Variants in SUGCT observed in about 807,000 individuals in gnomAD.
SUGCT encodes succinyl-CoA:glutarate-CoA transferase, also known as succinyl-CoA:glutarate CoA-transferase.
Under a neutral mutation model 55.0 loss-of-function variants are expected in SUGCT, and 41 were observed. That is an observed-to-expected ratio of 0.74 (90% CI 0.58 to 0.97). SUGCT has a LOEUF of 0.97. Among genes scored for constraint, SUGCT ranks in the 50% least tolerant of loss-of-function variants. The pLI is 0.00. For synonymous variants in SUGCT, 187 were observed against 200.4 expected (o/e 0.93, Z 0.56); for missense variants, 568 against 547.8 (o/e 1.04, Z -0.37).
chr7:40,469,372 T>C (rs1790288224), intron 11 of SUGCT, among the ~76,000 whole-genome samples: 2 of 152,244 alleles, frequency 1.3e-5, no homozygotes, highest in Non-Finnish European at 2.9e-5. Flanking sequence ...CACATTTGTT[T>C]TCTTATGCAT....
intron 12 of SUGCT, among the ~76,000 whole-genome samples, chr7:40,633,863 A>G (rs1799905089): frequency 6.6e-6 from 1 of 152,212 alleles, no homozygotes; most frequent in Admixed American, 6.5e-5. Flanking sequence ...TGCATTACCT[A>G]TAATACTTGC....
Position 40,272,141 on chromosome 7 carries a change from CAT to C in SUGCT, c.577-2320_577-2319del, listed in dbSNP as rs58480323. Among the ~76,000 whole-genome samples, 372 of 46,626 alleles carry C rather than the reference CAT, an allele frequency of 8.0e-3. 3 individuals are homozygous for C. Among genetic ancestry groups the C allele is most frequent in the Non-Finnish European group, 0.013 (282 of 21,594 alleles). 30.6% of individuals were successfully genotyped at this position (46,626 alleles called of 152,430 possible). A position where few individuals can be genotyped will look rare whatever the true frequency, so the allele number is the denominator to read the frequency against. The stretch of plus-strand genomic sequence containing the variant: ...TGTTTCAAAAACAACTGCAATGTGA[CAT>C]ATATATATATATATATATATATATA... On this transcript the variant is annotated intron_variant, in intron 7 of 13. Transcript: ENST00000335693.
chr7:40,436,908 A>AT (rs907493144), intron 9 of SUGCT, among the ~76,000 whole-genome samples: 18 of 151,888 alleles, frequency 1.2e-4, no homozygotes, highest in African/African-American at 4.3e-4. Flanking sequence ...CTTGTCTAGA[A>AT]TTTTTTTTGC....
downstream of SUGCT, among the ~76,000 whole-genome samples, chr7:40,864,805 G>T (rs1239037228): frequency 1.3e-5 from 2 of 152,084 alleles, no homozygotes; most frequent in Non-Finnish European, 2.9e-5. Context: ...CAGGCAGAAT[G>T]AACCCAGCCT....
At position 40,611,255 on chromosome 7, in the gene SUGCT, C is replaced by T. The variant is rs79019065; in HGVS notation, c.1089+114869C>T. Among the ~76,000 whole-genome samples, 35 of 152,258 alleles carry T rather than the reference C, an allele frequency of 2.3e-4. No individual in the cohort carries two copies. In the East Asian group the frequency reaches 5.2e-3, roughly 23 times the overall value. On this transcript the variant is annotated intron_variant, in intron 12 of 13. Coordinates refer to ENST00000335693, the MANE Select transcript of SUGCT (RefSeq NM_001193313.2). ...GGCTATGAATCTGTAAACAGTCAGT[C>T]GTTCCCTGTGTAAAGTAAAATGAAT...
intron 6 of SUGCT, among the ~76,000 whole-genome samples, chr7:40,195,379 C>T (rs1006209174): frequency 2.6e-5 from 4 of 151,746 alleles, no homozygotes; most frequent in African/African-American, 7.3e-5. Flanking sequence ...CGCGCCACCA[C>T]GCCCAGCTAA....
chr7:40,724,350 G>A lies in SUGCT; in HGVS notation c.1090-25084G>A, dbSNP rs554866262. Reference sequence around the variant, plus strand: ...GGAGGCCAAGGCGGGCAGATGACAAGGTCAGGAGATTGAGACCATCCTGGC... The same window carrying A: ...GGAGGCCAAGGCGGGCAGATGACAAAGTCAGGAGATTGAGACCATCCTGGC... On this transcript the variant is annotated intron_variant, in intron 12 of 13. Transcript: ENST00000335693. 7.2e-5 allele frequency among the ~76,000 whole-genome samples: 11 copies of A among 152,316 alleles called. 1 individual carries two copies. The South Asian group carries it at 2.3e-3, about 32-fold the overall frequency.
rs531047228 is a variant in SUGCT at position 40,495,862 on chromosome 7, A to G, written c.987-422A>G. On this transcript the variant is annotated intron_variant, in intron 11 of 13. Transcript: ENST00000335693. Reference sequence around the variant, plus strand: ...TGTGTACTTTTCCCAAAGCTTTCTTAAAACAGCTATATTAGTATTTTTTTT... The same window carrying G: ...TGTGTACTTTTCCCAAAGCTTTCTTGAAACAGCTATATTAGTATTTTTTTT... 3.3e-5 allele frequency among the ~76,000 whole-genome samples: 5 copies of G among 152,318 alleles called. No individual in the cohort carries two copies. In the South Asian group the frequency reaches 1.0e-3, roughly 32 times the overall value.
intron 12 of SUGCT, among the ~76,000 whole-genome samples, chr7:40,535,669 T>C (rs1794323989): frequency 6.6e-6 from 1 of 152,188 alleles, no homozygotes; most frequent in Non-Finnish European, 1.5e-5. Flanking sequence ...TACTATGGAA[T>C]ACTATGCAGC....
Position 40,660,131 on chromosome 7 carries a change from A to G in SUGCT, c.1090-89303A>G, listed in dbSNP as rs919592084. Reference sequence around the variant, plus strand: ...ATAGGTTTCTCACGTAAAGTTTTCTAACTGGGAGGATTGCTCTATATAGTC... The same window carrying G: ...ATAGGTTTCTCACGTAAAGTTTTCTGACTGGGAGGATTGCTCTATATAGTC... On this transcript the variant is annotated intron_variant, in intron 12 of 13. Coordinates refer to ENST00000335693, the MANE Select transcript of SUGCT (RefSeq NM_001193313.2). Among the ~76,000 whole-genome samples, 3 of 152,222 alleles carry G rather than the reference A, an allele frequency of 2.0e-5. No individual in the cohort carries two copies. The South Asian group carries it at 6.2e-4, about 32-fold the overall frequency.
intron 13 of SUGCT, among the ~76,000 whole-genome samples, chr7:40,849,586 T>C (rs912086510): frequency 6.6e-6 from 1 of 152,136 alleles, no homozygotes; most frequent in Non-Finnish European, 1.5e-5. Flanking sequence ...ATTAAGTTGG[T>C]TTGGTTTATA....
intron 9 of SUGCT, among the ~76,000 whole-genome samples, chr7:40,422,326 G>C (rs1188683652): frequency 1.3e-5 from 2 of 151,926 alleles, no homozygotes; most frequent in Non-Finnish European, 2.9e-5. Flanking sequence ...TGGTATTGGG[G>C]CAATCACTGC....
At chr7:40,383,242 G>A (rs1784958756) in intron 9 of SUGCT, among the ~76,000 whole-genome samples, 1 of 152,162 alleles carries the variant, frequency 6.6e-6, no homozygotes. Flanking sequence ...CTACATCTAT[G>A]TATTAGTAAT....
At chr7:40,739,430 T>C (rs1787348150) in intron 12 of SUGCT, among the ~76,000 whole-genome samples, 1 of 152,252 alleles carries the variant, frequency 6.6e-6, no homozygotes. Flanking sequence ...CAATAGTTTG[T>C]TCCTTTTCAT....
chr7:40,587,736 A>G lies in SUGCT; in HGVS notation c.1089+91350A>G, dbSNP rs574732021. Among the ~76,000 whole-genome samples, 435 of 152,286 alleles carry G rather than the reference A, an allele frequency of 2.9e-3. 4 individuals are homozygous for G. The highest frequency in any genetic ancestry group is 9.8e-3 in the African/African-American group (409 of 41,572). On this transcript the variant is annotated intron_variant, in intron 12 of 13. Coordinates refer to ENST00000335693, the MANE Select transcript of SUGCT (RefSeq NM_001193313.2). ...AAAATAGCTACCATATGAAATCATC[A>G]ATCCTTTTAAAGCTTGCTTTAAAAT...
At chr7:40,381,054 C>T (rs1263371306) in intron 9 of SUGCT, among the ~76,000 whole-genome samples, 1 of 152,082 alleles carries the variant, frequency 6.6e-6, no homozygotes, top group Non-Finnish European at 1.5e-5. Context: ...TTTTTAATAT[C>T]TATTCTCAGT....
Position 40,319,936 on chromosome 7 carries a change from G to GC in SUGCT, c.816+3082dup, listed in dbSNP as rs771991521. ...CTGCTGGGCTCAAGTGTTCCTAGTA[G>GC]CTGGGATACCGAGTAGCGGAGACTA... On this transcript the variant is annotated intron_variant, in intron 9 of 13. Transcript: ENST00000335693. 1.9e-3 allele frequency among the ~76,000 whole-genome samples: 283 copies of GC among 151,406 alleles called. 1 individual carries two copies. Among genetic ancestry groups the GC allele is most frequent in the Middle Eastern group, 6.9e-3 (2 of 290 alleles).
chr7:40,503,109 TG>T (rs1456752210), intron 12 of SUGCT, among the ~76,000 whole-genome samples: 2 of 152,094 alleles, frequency 1.3e-5, no homozygotes, highest in Non-Finnish European at 2.9e-5. Context: ...CTTTCAGGCT[TG>T]GTTTTTTTGA....
intron 13 of SUGCT, among the ~76,000 whole-genome samples, chr7:40,814,808 A>T (rs1791590150): frequency 6.6e-6 from 1 of 152,024 alleles, no homozygotes; most frequent in African/African-American, 2.4e-5. Context: ...TCATCTGGAG[A>T]TGCTAGCACT....
Sources: allele counts gnomAD v4.1 joint callset (sites outside exome capture counted in the v4.1 genomes callset), GRCh38; gene constraint gnomAD v4.1.1; transcripts MANE v1.5; gene names NCBI Gene and HGNC (gene_info 2026-07-23, HGNC 2026-07-21).